PCDHGB7: variants seen among roughly 807,000 people sequenced by gnomAD.
PCDHGB7 encodes the protein protocadherin gamma-B7.
A neutral mutation model predicts 61.4 loss-of-function variants in PCDHGB7; 37 were observed. The ratio of observed to expected loss-of-function variants is 0.60; its 90% CI spans 0.46 to 0.79. The LOEUF is 0.79. Among genes scored for constraint, PCDHGB7 ranks in the 30% least tolerant of loss-of-function variants. The pLI is 0.00. For missense variants in PCDHGB7, 1,166 were observed against 1,202.5 expected, an observed-to-expected ratio of 0.97 and a Z score of 0.45; for synonymous variants, 464 against 503.5, an observed-to-expected ratio of 0.92 and a Z score of 1.05.
At chr5:141,469,792 A>G (rs989190786) in intron 1 of PCDHGB7, among the ~76,000 whole-genome samples, 1 of 152,194 alleles carries the variant, frequency 6.6e-6, no homozygotes, top group African/African-American at 2.4e-5. Flanking sequence ...GTTATTTGTA[A>G]TTGCAAAAAC....
rs1361609314 is a variant in PCDHGB7 at position 141,423,642 on chromosome 5, TGACCC to T, written c.2415+3372_2415+3376del. 6 of 1,596,888 alleles carry T rather than the reference TGACCC, an allele frequency of 3.8e-6. No individual in the cohort carries two copies. In the South Asian group the frequency reaches 5.7e-5, roughly 15 times the overall value. ...ACTCAGCTATCATTTTAGGCAAATGTGACCCGACAAGTAATCAGGTGAGATTTATT... is the reference window on the plus strand; with the variant it reads ...ACTCAGCTATCATTTTAGGCAAATGTGACAAGTAATCAGGTGAGATTTATT... On this transcript the variant is annotated intron_variant, in intron 1 of 3. Transcript: ENST00000398594.
At chr5:141,465,923 C>G (rs908350232) in intron 1 of PCDHGB7, among the ~76,000 whole-genome samples, 2 of 152,062 alleles carry the variant, frequency 1.3e-5, no homozygotes, top group African/African-American at 4.8e-5. Flanking sequence ...GATTTCGAGT[C>G]CATCCTGGCT....
At chr5:141,445,118 G>A (rs964726987) in intron 1 of PCDHGB7, among the ~76,000 whole-genome samples, 1 of 152,148 alleles carries the variant, frequency 6.6e-6, no homozygotes, top group Non-Finnish European at 1.5e-5. Flanking sequence ...ATTGTAAATA[G>A]TATTTTTAAA....
chr5:141,510,994 G>A lies in PCDHGB7; in HGVS notation c.2611G>A (p.Gly871Arg). ...CCTGGGAGGGGGTGCCGGCACCATG[G>A]GATTGAGCGCCCGCTACGGACCCCA... ...STLGGGAGTM[G>R]LSARYGPQFT... The change falls in exon 4 of 4, where the codon GGA becomes AGA. Residue 871 changes from glycine to arginine, a missense_variant. Physicochemically the swap from Gly to Arg is moderately radical, Grantham distance 125 (BLOSUM62 -2). Transcript: ENST00000398594. 1 of 1,614,168 alleles carries A rather than the reference G, an allele frequency of 6.2e-7. No homozygotes were observed. Among genetic ancestry groups the A allele is most frequent in the Non-Finnish European group, 8.5e-7 (1 of 1,180,022 alleles).
In PCDHGB7 at chr5:141,485,636, G is replaced by A. The variant is rs371040974; in HGVS notation, c.2416-9171G>A. The A allele has an allele frequency of 6.2e-7, 1 of 1,611,922 alleles. No homozygotes were observed. The highest frequency in any genetic ancestry group is 1.1e-5 in the South Asian group (1 of 90,964). On this transcript the variant is annotated intron_variant, in intron 1 of 3. Transcript: ENST00000398594. This position sits in a 1 kb window ranked among gnomAD's most constrained non-coding sequence, Gnocchi z 5.7. ...TCCTCCAGGACAGCGTTTCCCGTTG[G>A]AAAAGGCTCAGGATGCAGATGTGGG...
rs934674909 is a variant in PCDHGB7, at chr5:141,511,083, A to C, written c.2700A>C (p.Thr900=). Residue 900 remains threonine, a synonymous_variant, in exon 4 of 4, where the codon ACA becomes ACC. Transcript: ENST00000398594. The part of the protein sequence containing the change: ...QNVYIPGSNA[T]LTNAAGKRDG... Reference sequence around the variant, plus strand: ...TCTACATCCCAGGCAGCAATGCCACACTGACCAACGCAGCTGGCAAGCGGG... The same window carrying C: ...TCTACATCCCAGGCAGCAATGCCACCCTGACCAACGCAGCTGGCAAGCGGG... 1.2e-6 allele frequency: 2 copies of C among 1,614,108 alleles called. No homozygotes were observed. Among genetic ancestry groups the C allele is most frequent in the African/African-American group, 2.7e-5 (2 of 74,940 alleles).
At chr5:141,483,385 G>C (rs1166547027) in intron 1 of PCDHGB7, among the ~76,000 whole-genome samples, 1 of 152,160 alleles carries the variant, frequency 6.6e-6, no homozygotes, top group Non-Finnish European at 1.5e-5. Context: ...AGAGAAGATT[G>C]ATAAATGCTT....
At chr5:141,484,950 T>G in intron 1 of PCDHGB7, 1 of 561,950 alleles carries the variant, frequency 1.8e-6, no homozygotes, top group Non-Finnish European at 3.2e-6. Context: ...GCTCAGCCTA[T>G]TGGCTGAGCC....
At position 141,432,718 on chromosome 5, in the gene PCDHGB7, T is replaced by C; in HGVS notation, c.2415+12444T>C. ...CCGTCCAGGACCACGGCCAGCCCCC[T>C]CTCTCCGCCACTGTCACGCTCACCG... On this transcript the variant is annotated intron_variant, in intron 1 of 3. Coordinates refer to ENST00000398594, the MANE Select transcript of PCDHGB7 (RefSeq NM_018927.4). This position sits in a 1 kb window ranked among gnomAD's most constrained non-coding sequence, Gnocchi z 6.0. 1 of 1,613,476 alleles carries C rather than the reference T, an allele frequency of 6.2e-7. No homozygotes were observed. The highest frequency in any genetic ancestry group is 8.5e-7 in the Non-Finnish European group (1 of 1,179,862).
rs148558897 is a variant in PCDHGB7, at chr5:141,489,890, G to A, written c.2416-4917G>A. On this transcript the variant is annotated intron_variant, in intron 1 of 3. Coordinates refer to ENST00000398594, the MANE Select transcript of PCDHGB7 (RefSeq NM_018927.4). The surrounding 1 kb of genome is among the most constrained non-coding windows in gnomAD (Gnocchi z 4.5). Reference sequence around the variant, plus strand: ...CAGCTGGTGCTTACTGCTGTGGATGGGGGGACCCCAGCCCGCTCAGGGACC... The same window carrying A: ...CAGCTGGTGCTTACTGCTGTGGATGAGGGGACCCCAGCCCGCTCAGGGACC... 6.2e-7 allele frequency: 1 copy of A among 1,614,198 alleles called. No homozygotes were observed. The highest frequency in any genetic ancestry group is 8.5e-7 in the Non-Finnish European group (1 of 1,180,028).
intron 1 of PCDHGB7, among the ~76,000 whole-genome samples, chr5:141,450,899 A>G (rs1045595271): frequency 1.0e-4 from 15 of 149,514 alleles, no homozygotes; most frequent in African/African-American, 3.7e-4. Context: ...ATATCGGCTC[A>G]CTGCAACCGC....
intron 1 of PCDHGB7, chr5:141,421,969 T>C (rs1039340340): frequency 1.2e-6 from 2 of 1,611,188 alleles, no homozygotes; most frequent in Admixed American, 1.7e-5. Flanking sequence ...ACAGTCCGTA[T>C]ATCGCGTGAG....
At chr5:141,449,101 G>T (rs1020443363) in intron 1 of PCDHGB7, among the ~76,000 whole-genome samples, 3 of 152,144 alleles carry the variant, frequency 2.0e-5, no homozygotes, top group Non-Finnish European at 4.4e-5. Flanking sequence ...TACATATGCA[G>T]TATATCTTTG....
intron 1 of PCDHGB7, chr5:141,421,352 AGG>A: frequency 6.2e-7 from 1 of 1,613,946 alleles, no homozygotes; most frequent in Non-Finnish European, 8.5e-7. Context: ...GAGACCGAAA[AGG>A]GCTCCTTCGT....
chr5:141,441,883 A>T, intron 1 of PCDHGB7: 1 of 343,546 alleles, frequency 2.9e-6, no homozygotes, highest in South Asian at 2.6e-5. Context: ...CTACCTGGTC[A>T]CCAAGGTGGT....
At chr5:141,430,846 C>CCA in intron 1 of PCDHGB7, 1 of 1,576,346 alleles carries the variant, frequency 6.3e-7, no homozygotes, top group Non-Finnish European at 8.6e-7. Context: ...CCGGATGCAC[C>CCA]CAGATACGCT....
intron 1 of PCDHGB7, chr5:141,478,453 C>T: frequency 6.2e-7 from 1 of 1,613,594 alleles, no homozygotes; most frequent in Non-Finnish European, 8.5e-7. Context: ...CTGGTGCAGC[C>T]AGTCCACTGG....
rs775290219 is a variant in PCDHGB7 at position 141,423,576 on chromosome 5, G to A, written c.2415+3302G>A. On this transcript the variant is annotated intron_variant, in intron 1 of 3. Transcript: ENST00000398594. ...ACTATGGGGACACGCTCATCAGCCAGGAGAGCTGTGAGAAAAGCGAGCCAC... is the reference window on the plus strand; with the variant it reads ...ACTATGGGGACACGCTCATCAGCCAAGAGAGCTGTGAGAAAAGCGAGCCAC... The A allele has an allele frequency of 1.9e-6, 3 of 1,613,588 alleles. No homozygotes were observed. In the Admixed American group the frequency reaches 5.0e-5, roughly 27 times the overall value.
chr5:141,499,888 A>G (rs574246186), intron 2 of PCDHGB7, among the ~76,000 whole-genome samples: 105 of 152,174 alleles, frequency 6.9e-4, no homozygotes, highest in African/African-American at 2.4e-3. Flanking sequence ...GGGTTTCGCC[A>G]TGTTGGCCAG....
Sources: allele counts gnomAD v4.1 joint callset (sites outside exome capture counted in the v4.1 genomes callset), GRCh38; gene constraint gnomAD v4.1.1; non-coding constraint Gnocchi (gnomAD v3.1); transcripts MANE v1.5; gene names NCBI Gene and HGNC (gene_info 2026-07-23, HGNC 2026-07-21).